Variants in LIPA observed in about 807,000 individuals in gnomAD.
LIPA encodes the protein lysosomal acid lipase/cholesteryl ester hydrolase.
In LIPA, 26 loss-of-function variants were observed where a neutral mutation model predicts 40.6. The ratio of observed to expected loss-of-function variants is 0.64; its 90% CI spans 0.47 to 0.89. The LOEUF (loss-of-function observed/expected upper bound fraction) is 0.89. Among genes scored for constraint, LIPA ranks in the 40% least tolerant of loss-of-function variants. The pLI, the probability that LIPA is intolerant of heterozygous loss-of-function variation, is 0.00. For missense variants in LIPA, 455 were observed against 479.6 expected (o/e 0.95, Z 0.48); for synonymous variants, 188 against 168.4 (o/e 1.12, Z -0.90).
chr10:89,365,972 T>C (rs1398585207), intron 2 of LIPA, among the ~76,000 whole-genome samples: 1 of 152,252 alleles, frequency 6.6e-6, no homozygotes, highest in East Asian at 1.9e-4. Context: ...AAGTAGTTTC[T>C]TCCAATTCTG....
chr10:89,295,230 T>C (rs1216685975), intron 1 of LIPA, among the ~76,000 whole-genome samples: 1 of 152,196 alleles, frequency 6.6e-6, no homozygotes, highest in East Asian at 1.9e-4. Context: ...TTACAGCCCA[T>C]TGTGGGGATC....
intron 3 of LIPA, among the ~76,000 whole-genome samples, chr10:89,239,936 TCTG>T (rs1391616176): frequency 6.6e-6 from 1 of 152,142 alleles, no homozygotes; most frequent in Non-Finnish European, 1.5e-5. Context: ...CCTGCCCCTC[TCTG>T]CCACCACGGC....
chr10:89,382,941 A>G (rs1323556983), intron 2 of LIPA, among the ~76,000 whole-genome samples: 1 of 152,184 alleles, frequency 6.6e-6, no homozygotes, highest in Non-Finnish European at 1.5e-5. Context: ...CTTTCTGTGA[A>G]CCCTCTCTCC....
At position 89,214,684 on chromosome 10, in the gene LIPA, G is replaced by A. The variant is rs1369897876; in HGVS notation, c.*144C>T. On this transcript the variant is annotated 3_prime_UTR_variant, in exon 10 of 10. Coordinates refer to ENST00000336233, the MANE Select transcript of LIPA (RefSeq NM_000235.4). ...TTTCTAATTGAAACTAGAGTGAACTGGGCATCTTCAAAGTTATCATTTTCT... is the reference window on the plus strand; with the variant it reads ...TTTCTAATTGAAACTAGAGTGAACTAGGCATCTTCAAAGTTATCATTTTCT... The A allele has an allele frequency of 1.6e-6, 1 of 634,200 alleles. No homozygotes were observed. The highest frequency in any genetic ancestry group is 1.8e-5 in the African/African-American group (1 of 54,256). The allele number at this position is 634,200 out of a possible 1,614,324, so 39.3% of individuals were successfully genotyped here. A position where few individuals can be genotyped will look rare whatever the true frequency, so the allele number is the denominator to read the frequency against.
chr10:89,322,852 A>T (rs980704031), intron 1 of LIPA, among the ~76,000 whole-genome samples: 2 of 152,156 alleles, frequency 1.3e-5, no homozygotes, highest in Non-Finnish European at 2.9e-5. Context: ...CCCAGGAAGC[A>T]CCTGGAGGGC....
Position 89,247,546 on chromosome 10 carries a change from T to C in LIPA, c.103A>G (p.Met35Val), listed in dbSNP as rs373506972. The change falls in exon 2 of 10, where the codon ATG (methionine) becomes GTG (valine). Residue 35 changes from methionine to valine, a missense_variant. By Grantham distance (21) the Met-to-Val change is conservative. Coordinates refer to ENST00000336233, the MANE Select transcript of LIPA (RefSeq NM_000235.4). The part of the protein sequence containing the change: ...KLTAVDPETN[M>V]NVSEIISYWG... The stretch of plus-strand genomic sequence containing the variant: ...AACTTTGAGAAACTTACCACATTCA[T>C]GTTTGTTTCAGGATCCACAGCTGTC... 6.3e-7 allele frequency: 1 copy of C among 1,598,896 alleles called. No individual in the cohort carries two copies. Among genetic ancestry groups the C allele is most frequent in the Non-Finnish European group, 8.6e-7 (1 of 1,166,124 alleles).
intron 2 of LIPA, among the ~76,000 whole-genome samples, chr10:89,372,274 C>T (rs1312025062): frequency 1.3e-5 from 2 of 152,198 alleles, no homozygotes; most frequent in African/African-American, 4.8e-5. Context: ...TTGCACACTG[C>T]AAGAGTAGCC....
intron 1 of LIPA, among the ~76,000 whole-genome samples, chr10:89,273,283 G>A (rs543557198): frequency 3.9e-5 from 6 of 152,198 alleles, no homozygotes; most frequent in African/African-American, 1.4e-4. Context: ...ATGAGAGGAT[G>A]AGCTGAGTGT....
At chr10:89,376,671 A>C (rs549809332) in intron 2 of LIPA, among the ~76,000 whole-genome samples, 2 of 152,348 alleles carry the variant, frequency 1.3e-5, no homozygotes, top group East Asian at 3.9e-4. Context: ...ACTGGATTCG[A>C]AAATAATCAA....
Position 89,214,955 on chromosome 10 carries a change from G to C in LIPA, c.1073C>G (p.Thr358Ser). ...ATGGAACACCAAGTTGGTGATCTGA[G>C]TCAGTAAGATATTGACGTCGTAGAC... The part of the protein sequence containing the change: ...ADVYDVNILL[T>S]QITNLVFHES... The change falls in exon 10 of 10, where the codon ACT becomes AGT. Residue 358 changes from threonine (T) to serine (S), a missense_variant. Physicochemically the swap from Thr to Ser is moderately conservative, Grantham distance 58. Coordinates refer to ENST00000336233, the MANE Select transcript of LIPA (RefSeq NM_000235.4). 1 of 1,614,124 alleles carries C rather than the reference G, an allele frequency of 6.2e-7. No individual in the cohort carries two copies. Among genetic ancestry groups the C allele is most frequent in the Non-Finnish European group, 8.5e-7 (1 of 1,179,964 alleles).
intron 2 of LIPA, among the ~76,000 whole-genome samples, chr10:89,380,032 CT>C (rs1844151226): frequency 6.8e-6 from 1 of 146,092 alleles, no homozygotes; most frequent in Admixed American, 6.8e-5. Context: ...GAGACTCCGT[CT>C]CAAAAAAAAA....
At chr10:89,356,872 G>A (rs1260271052) in intron 2 of LIPA, among the ~76,000 whole-genome samples, 1 of 152,174 alleles carries the variant, frequency 6.6e-6, no homozygotes, top group Non-Finnish European at 1.5e-5. Flanking sequence ...GGTTTTTATG[G>A]AGGTTCACAA....
intron 2 of LIPA, among the ~76,000 whole-genome samples, chr10:89,376,339 A>G (rs560852637): frequency 4.6e-5 from 7 of 152,246 alleles, no homozygotes; most frequent in African/African-American, 1.7e-4. Flanking sequence ...TAATTCACAT[A>G]GAGAGAGAGA....
chr10:89,402,360 G>A (rs749030208), intron 2 of LIPA: 2 of 1,614,124 alleles, frequency 1.2e-6, no homozygotes, highest in Non-Finnish European at 1.7e-6. Flanking sequence ...ATCCATTGAT[G>A]ACGATGAAAT....
chr10:89,227,715 C>T (rs1444084068), intron 4 of LIPA, among the ~76,000 whole-genome samples: 1 of 152,158 alleles, frequency 6.6e-6, no homozygotes, highest in African/African-American at 2.4e-5. Context: ...CTCCTTTAAG[C>T]CCCCAGTGAC....
intron 2 of LIPA, chr10:89,383,801 G>A (rs1475252099): frequency 1.2e-6 from 2 of 1,614,088 alleles, no homozygotes; most frequent in Non-Finnish European, 1.7e-6. Flanking sequence ...GCCAAGACCT[G>A]CTTTGAAAAG....
intron 8 of LIPA, among the ~76,000 whole-genome samples, chr10:89,216,798 G>A (rs1485382168): frequency 3.3e-5 from 5 of 152,100 alleles, no homozygotes; most frequent in Non-Finnish European, 4.4e-5. Flanking sequence ...CTTGAGGGAT[G>A]ACTGTATATT....
chr10:89,326,769 C>T (rs1843603575), intron 1 of LIPA, among the ~76,000 whole-genome samples: 1 of 152,068 alleles, frequency 6.6e-6, no homozygotes, highest in Non-Finnish European at 1.5e-5. Context: ...GTTTCCTGGG[C>T]CCCACCCTAG....
At chr10:89,360,217 G>A (rs1844014011) in intron 2 of LIPA, among the ~76,000 whole-genome samples, 1 of 152,166 alleles carries the variant, frequency 6.6e-6, no homozygotes, top group Non-Finnish European at 1.5e-5. Flanking sequence ...TCTATTTAGA[G>A]AGTAACAACT....
Sources: allele counts gnomAD v4.1 joint callset (sites outside exome capture counted in the v4.1 genomes callset), GRCh38; gene constraint gnomAD v4.1.1; transcripts MANE v1.5; gene names NCBI Gene and HGNC (gene_info 2026-07-23, HGNC 2026-07-21).